UNC45B: variants seen among roughly 807,000 people sequenced by gnomAD.
UNC45B encodes protein unc-45 homolog B.
A neutral mutation model predicts 98.7 loss-of-function variants in UNC45B; 78 were observed. The observed-to-expected ratio is 0.79, with a 90% CI of 0.66 to 0.95. The LOEUF (loss-of-function observed/expected upper bound fraction) is 0.95. Ranked by LOEUF, UNC45B falls within the 40% of genes least tolerant of loss-of-function variation. The probability of loss-of-function intolerance (pLI) is 0.00; values close to 1 mark genes in which losing one functional copy is unlikely to be tolerated. For synonymous variants in UNC45B, 462 were observed against 480.4 expected (o/e 0.96, Z 0.50); for missense variants, 1,225 against 1,184.9 (o/e 1.03, Z -0.50).
chr17:35,152,057 C>T (rs1282739628), intron 4 of UNC45B, among the ~76,000 whole-genome samples: 1 of 152,144 alleles, frequency 6.6e-6, no homozygotes, highest in Non-Finnish European at 1.5e-5. Flanking sequence ...ACCAGCCTGG[C>T]CAACATGGTG....
chr17:35,174,145 C>T, intron 13 of UNC45B, 97 bp from the exon 14 acceptor site: 1 of 1,541,320 alleles, frequency 6.5e-7, no homozygotes, highest in Non-Finnish European at 8.9e-7. Flanking sequence ...ATTATTCAAC[C>T]AACCCCAAGA....
intron 17 of UNC45B, among the ~76,000 whole-genome samples, chr17:35,179,718 A>G (rs533170716): frequency 3.1e-4 from 46 of 149,442 alleles, no homozygotes; most frequent in Non-Finnish European, 5.6e-4. Context: ...ACATGGACAC[A>G]GGGCGGGGAA....
chr17:35,171,230 C>T, intron 12 of UNC45B, 92 bp from the exon 13 acceptor site: 1 of 1,531,646 alleles, frequency 6.5e-7, no homozygotes, highest in South Asian at 1.2e-5. Context: ...CCGACACCAA[C>T]CTGCCGGCCA....
Position 35,186,926 on chromosome 17 carries a change from C to G in UNC45B, c.*367C>G, listed in dbSNP as rs760937189. 29 of 235,888 alleles carry G rather than the reference C, an allele frequency of 1.2e-4. No homozygotes were observed. Among genetic ancestry groups the G allele is most frequent in the Non-Finnish European group, 2.3e-4 (27 of 118,414 alleles). 14.6% of individuals were successfully genotyped at this position (235,888 alleles called of 1,614,324 possible). ...AATGGATTTTGTGGTAAGGTAGGAA[C>G]TAACGGGTGTGTGCATATAAAGGTT... On this transcript the variant is annotated 3_prime_UTR_variant, in exon 20 of 20. Transcript: ENST00000394570.
rs141654082 is a variant in UNC45B, at chr17:35,177,128, C to T, written c.2137C>T (p.Arg713Trp). The part of the protein sequence containing the change: ...SNPDIAFPGE[R>W]VYEVVRPLVR... ...TCCGGACATTGCTTTTCCTGGGGAGCGGGTAGGTGCTTGGGTAGATGGGAT... is the reference window on the plus strand; with the variant it reads ...TCCGGACATTGCTTTTCCTGGGGAGTGGGTAGGTGCTTGGGTAGATGGGAT... The change falls in exon 16 of 20, where the codon CGG becomes TGG. Residue 713 changes from arginine (R) to tryptophan (W), a missense_variant and splice_region_variant. By Grantham distance (101) the Arg-to-Trp change is moderately radical (BLOSUM62 -3). Transcript: ENST00000394570. 6.3e-5 allele frequency: 102 copies of T among 1,613,632 alleles called. 1 individual carries two copies. Among genetic ancestry groups the T allele is most frequent in the Admixed American group, 5.0e-5 (3 of 59,976 alleles).
At chr17:35,154,553 T>C in intron 5 of UNC45B, 21 bp from the exon 6 acceptor site, 1 of 1,610,100 alleles carries the variant, frequency 6.2e-7, no homozygotes. Flanking sequence ...TCGTAACCCT[T>C]ATTGCCTCTT....
chr17:35,154,614 G>C lies in UNC45B; in HGVS notation c.512G>C (p.Gly171Ala). The C allele has an allele frequency of 1.2e-6, 2 of 1,613,556 alleles. No individual in the cohort carries two copies. Among genetic ancestry groups the C allele is most frequent in the Non-Finnish European group, 1.7e-6 (2 of 1,179,862 alleles). ...NLIVLGREEA[G>A]AEKIFQNNGV... ...ATTGTCCTAGGCCGTGAGGAAGCAG[G>C]GGCTGAGAAGATCTTCCAGAACAAT... The change falls in exon 6 of 20, where the codon GGG (glycine) becomes GCG (alanine). Residue 171 changes from glycine (G) to alanine (A), a missense_variant. Physicochemically the swap from Gly to Ala is moderately conservative, Grantham distance 60. Transcript: ENST00000394570.
chr17:35,175,069 AAGAAAG>A (rs2092220609), intron 14 of UNC45B, among the ~76,000 whole-genome samples: 2 of 108,748 alleles, frequency 1.8e-5, no homozygotes, highest in South Asian at 7.3e-4. Flanking sequence ...AGAAGAAAGA[AAGAAAG>A]AAAGAAAGAA....
At chr17:35,153,741 C>G (rs982203085) in intron 5 of UNC45B, among the ~76,000 whole-genome samples, 4 of 151,142 alleles carry the variant, frequency 2.6e-5, no homozygotes, top group African/African-American at 9.7e-5. Context: ...GTACAAAGCC[C>G]TTAGTTGATA....
intron 8 of UNC45B, among the ~76,000 whole-genome samples, chr17:35,163,723 C>A (rs1009638600): frequency 6.6e-6 from 1 of 152,162 alleles, no homozygotes; most frequent in Non-Finnish European, 1.5e-5. Flanking sequence ...AATGTCAGCA[C>A]TGGTAGAGTC....
chr17:35,150,520 G>C (rs1320111540), intron 4 of UNC45B, among the ~76,000 whole-genome samples: 1 of 152,144 alleles, frequency 6.6e-6, no homozygotes, highest in Non-Finnish European at 1.5e-5. Context: ...AGGCTGAGGC[G>C]GGCAGATCAC....
chr17:35,175,070 A>G (rs868698586), intron 14 of UNC45B, among the ~76,000 whole-genome samples: 67 of 121,106 alleles, frequency 5.5e-4, no homozygotes, highest in Non-Finnish European at 1.1e-3. Flanking sequence ...GAAGAAAGAA[A>G]GAAAGAAAGA....
intron 19 of UNC45B, 146 bp from the exon 20 acceptor site, chr17:35,186,153 G>T: frequency 9.5e-7 from 1 of 1,051,262 alleles, no homozygotes; most frequent in Non-Finnish European, 1.4e-6. Flanking sequence ...TCCTGTGACA[G>T]CAACATTAAT....
chr17:35,174,250 G>A lies in UNC45B; in HGVS notation c.1839G>A (p.Lys613=). 2 of 1,614,198 alleles carry A rather than the reference G, an allele frequency of 1.2e-6. No individual in the cohort carries two copies. Among genetic ancestry groups the A allele is most frequent in the Non-Finnish European group, 1.7e-6 (2 of 1,180,026 alleles). The change falls in exon 14 of 20, where the codon AAG becomes AAA. Residue 613 remains lysine (K), a synonymous_variant. Transcript: ENST00000394570. ...HVPEEHPKDK[K]DFIDMRVKRL... ...TCTTTTCATCTCCTCAGGACAAGAA[G>A]GACTTTATAGACATGCGGGTGAAGC...
chr17:35,175,849 C>G (rs957525630), intron 14 of UNC45B, 119 bp from the exon 15 acceptor site: 3 of 898,780 alleles, frequency 3.3e-6, no homozygotes, highest in Admixed American at 4.2e-5. Context: ...GTGGCACTTT[C>G]CATAGTCTCC....
intron 17 of UNC45B, among the ~76,000 whole-genome samples, chr17:35,179,048 G>A (rs1665911451): frequency 6.6e-6 from 1 of 152,116 alleles, no homozygotes; most frequent in South Asian, 2.1e-4. Flanking sequence ...GCTCTTTCTT[G>A]GTTCCATATG....
Position 35,176,038 on chromosome 17 carries a change from A to C in UNC45B, c.2025+4A>C. 6.2e-7 allele frequency: 1 copy of C among 1,614,108 alleles called. No homozygotes were observed. Among genetic ancestry groups the C allele is most frequent in the East Asian group, 2.2e-5 (1 of 44,876 alleles). On this transcript the variant is annotated splice_donor_region_variant and intron_variant, in intron 15 of 19. Coordinates refer to ENST00000394570, the MANE Select transcript of UNC45B (RefSeq NM_001267052.2). Reference sequence around the variant, plus strand: ...TGTGGCTCAAGGTGGTGGCAAGGTAACTGGGCAGGTGCCTTCCTAGAAGGT... The same window carrying C: ...TGTGGCTCAAGGTGGTGGCAAGGTACCTGGGCAGGTGCCTTCCTAGAAGGT...
rs773900383 is a variant in UNC45B, at chr17:35,159,476, A to G, written c.910A>G (p.Asn304Asp). Residue 304 changes from asparagine to aspartate, a missense_variant, in exon 8 of 20, where the codon AAT (asparagine) becomes GAT (aspartate). Asn to Asp is a conservative substitution (Grantham distance 23). Transcript: ENST00000394570. The stretch of plus-strand genomic sequence containing the variant: ...CAGGGATCAGGCGCTGAACCTGCTC[A>G]ATAAGAATGTTCCCAGGAAGGACCT... The part of the protein sequence containing the change: ...QGRDQALNLL[N>D]KNVPRKDLAI... 8 of 1,614,118 alleles carry G rather than the reference A, an allele frequency of 5.0e-6. No homozygotes were observed. In the Admixed American group the frequency reaches 1.0e-4, roughly 20 times the overall value.
At chr17:35,166,267 C>CAAATAAAATA (rs66886068) in intron 9 of UNC45B, among the ~76,000 whole-genome samples, 3 of 150,638 alleles carry the variant, frequency 2.0e-5, no homozygotes, top group Non-Finnish European at 3.0e-5. Context: ...GACCCCGTCT[C>CAAATAAAATA]AAATAAAATA....
Sources: gnomAD v4.1 joint callset for allele counts (sites outside exome capture counted in the v4.1 genomes callset) on GRCh38, gnomAD v4.1.1 for gene constraint, MANE v1.5 for transcripts, NCBI Gene and HGNC (gene_info 2026-07-23, HGNC 2026-07-21) for gene names.